GRID2: variants seen among roughly 807,000 people sequenced by gnomAD.
GRID2 encodes glutamate receptor ionotropic, delta-2.
In GRID2, 33 loss-of-function variants were observed where a neutral mutation model predicts 114.8. That is an observed-to-expected ratio of 0.29 (90% CI 0.22 to 0.38). The LOEUF is 0.38. GRID2 is among the 10% of genes least tolerant of loss of function. The pLI is 1.00. For missense variants in GRID2, 1,184 were observed against 1,257.7 expected, an observed-to-expected ratio of 0.94 and a Z score of 0.89; for synonymous variants, 505 against 449.9, an observed-to-expected ratio of 1.12 and a Z score of -1.55.
At chr4:92,784,656 T>C (rs1739236611) in intron 2 of GRID2, among the ~76,000 whole-genome samples, 1 of 151,878 alleles carries the variant, frequency 6.6e-6, no homozygotes, top group Admixed American at 6.6e-5. Context: ...AGTCAATACT[T>C]TAGTGTTTGC....
chr4:92,470,170 T>C (rs1480337764), intron 1 of GRID2, among the ~76,000 whole-genome samples: 3 of 151,896 alleles, frequency 2.0e-5, no homozygotes, highest in African/African-American at 2.4e-5. Flanking sequence ...TACATTCTCA[T>C]TGGAAATTCT....
At chr4:93,093,574 C>A (rs72885799) in intron 3 of GRID2, among the ~76,000 whole-genome samples, 1 of 152,126 alleles carries the variant, frequency 6.6e-6, no homozygotes, top group African/African-American at 2.4e-5. Context: ...ATGTAGGAAG[C>A]AACAACAGTA....
At chr4:92,460,031 A>ACTCTCTCT (rs1386723845) in intron 1 of GRID2, among the ~76,000 whole-genome samples, 1 of 11,148 alleles carries the variant, frequency 9.0e-5, no homozygotes, top group African/African-American at 5.3e-4. Flanking sequence ...AATAAATCTC[A>ACTCTCTCT]CTATATATAT....
At chr4:93,467,068 A>G (rs1315823674) in intron 11 of GRID2, among the ~76,000 whole-genome samples, 1 of 152,218 alleles carries the variant, frequency 6.6e-6, no homozygotes, top group Non-Finnish European at 1.5e-5. Context: ...ACACTAAAAT[A>G]TACCATGCCG....
At chr4:92,633,614 G>A (rs1730918764) in intron 2 of GRID2, among the ~76,000 whole-genome samples, 1 of 152,054 alleles carries the variant, frequency 6.6e-6, no homozygotes, top group African/African-American at 2.4e-5. Flanking sequence ...AAAAAATGAG[G>A]TAAGGATTTC....
chr4:92,905,260 G>C (rs1252563474), intron 2 of GRID2, among the ~76,000 whole-genome samples: 1 of 151,172 alleles, frequency 6.6e-6, no homozygotes, highest in African/African-American at 2.4e-5. Flanking sequence ...CAGAAATGGG[G>C]ACTGAATTTT....
chr4:93,009,422 CA>C (rs1721890495), intron 2 of GRID2, among the ~76,000 whole-genome samples: 1 of 152,110 alleles, frequency 6.6e-6, no homozygotes, highest in Non-Finnish European at 1.5e-5. Context: ...GAGGAGACCA[CA>C]GTCATTCCTT....
intron 13 of GRID2, among the ~76,000 whole-genome samples, chr4:93,595,229 T>C (rs1303437089): frequency 2.6e-5 from 4 of 152,238 alleles, no homozygotes; most frequent in Non-Finnish European, 5.9e-5. Context: ...TTCATGAAAT[T>C]CCTTAGCATT....
At chr4:92,657,789 T>A (rs562567509) in intron 2 of GRID2, among the ~76,000 whole-genome samples, 4 of 151,954 alleles carry the variant, frequency 2.6e-5, no homozygotes, top group Non-Finnish European at 1.5e-5. Context: ...ATACAGCCTT[T>A]GATAATGGAG....
chr4:92,680,281 A>G (rs1251190242), intron 2 of GRID2, among the ~76,000 whole-genome samples: 1 of 152,150 alleles, frequency 6.6e-6, no homozygotes, highest in African/African-American at 2.4e-5. Flanking sequence ...ATATAGCTAT[A>G]ACTTACATTA....
At chr4:92,481,019 G>A (rs1722560701) in intron 1 of GRID2, among the ~76,000 whole-genome samples, 1 of 152,112 alleles carries the variant, frequency 6.6e-6, no homozygotes, top group Non-Finnish European at 1.5e-5. Flanking sequence ...ATGCTGACAA[G>A]GGTAGTAAGT....
At chr4:92,488,911 T>G (rs1723022070) in intron 1 of GRID2, among the ~76,000 whole-genome samples, 1 of 152,190 alleles carries the variant, frequency 6.6e-6, no homozygotes, top group Non-Finnish European at 1.5e-5. Flanking sequence ...CTCTCTGTGC[T>G]TGTCTGAAAC....
chr4:93,781,615 G>T (rs768490077), intron 1 of GRID2, among the ~76,000 whole-genome samples: 1 of 152,040 alleles, frequency 6.6e-6, no homozygotes, highest in Non-Finnish European at 1.5e-5. Flanking sequence ...ATATAAAATG[G>T]TATAGTGTTT....
At chr4:92,485,330 ATATATATATATATATATAGTGT>A (rs1560662899) in intron 1 of GRID2, among the ~76,000 whole-genome samples, 2 of 102,714 alleles carry the variant, frequency 1.9e-5, no homozygotes, top group Non-Finnish European at 4.2e-5. Flanking sequence ...ATATATATAT[ATATATATATATATATATAGTGT>A]GTGTGTGTGT....
intron 8 of GRID2, among the ~76,000 whole-genome samples, chr4:93,294,208 A>T (rs1336768449): frequency 7.4e-5 from 1 of 13,562 alleles, no homozygotes; most frequent in Non-Finnish European, 1.2e-4. Flanking sequence ...TTTGCTCCAC[A>T]AAAAAACGAA....
chr4:92,441,779 G>C (rs1357529489), intron 1 of GRID2, among the ~76,000 whole-genome samples: 2 of 152,064 alleles, frequency 1.3e-5, no homozygotes, highest in South Asian at 4.1e-4. Context: ...CGGTCGCCAA[G>C]GAGGGAGTAG....
At chr4:93,750,044 T>C (rs779958090) in intron 14 of GRID2, among the ~76,000 whole-genome samples, 31 of 152,240 alleles carry the variant, frequency 2.0e-4, no homozygotes, top group Non-Finnish European at 4.6e-4. Context: ...ACACATTATA[T>C]AGTTCCCTTT....
intron 2 of GRID2, among the ~76,000 whole-genome samples, chr4:93,039,726 C>G (rs777004788): frequency 3.2e-4 from 49 of 152,106 alleles, no homozygotes; most frequent in Admixed American, 5.9e-4. Context: ...CAGTCTACAG[C>G]TAAACTCAAA....
At chr4:93,158,506 T>C (rs1737381104) in intron 4 of GRID2, among the ~76,000 whole-genome samples, 1 of 151,652 alleles carries the variant, frequency 6.6e-6, no homozygotes, top group Non-Finnish European at 1.5e-5. Context: ...TTTTTAAAAC[T>C]CTCAATTTCT....
Sources: gnomAD v4.1 joint callset for allele counts (sites outside exome capture counted in the v4.1 genomes callset) on GRCh38, gnomAD v4.1.1 for gene constraint, MANE v1.5 for transcripts, NCBI Gene and HGNC (gene_info 2026-07-23, HGNC 2026-07-21) for gene names.